The following MOK variants were observed in gnomAD, a reference collection of about 807,000 sequenced individuals.
MOK encodes the protein MAPK/MAK/MRK overlapping kinase.
In MOK, 59 loss-of-function variants were observed where a neutral mutation model predicts 54.2. That is an observed-to-expected ratio of 1.09 (90% CI 0.88 to 1.35). The LOEUF is 1.35. Among genes scored for constraint, MOK ranks in the 40% most tolerant of loss-of-function variants. The pLI is 0.00. For synonymous variants in MOK, 210 were observed against 202.7 expected (o/e 1.04, Z -0.31); for missense variants, 517 against 526.2 (o/e 0.98, Z 0.17).
intron 2 of MOK, chr14:102,278,610 G>C: frequency 2.2e-6 from 1 of 453,544 alleles, no homozygotes; most frequent in Non-Finnish European, 4.4e-6. Flanking sequence ...ACAGACCTGG[G>C]CTCAGAGTCA....
chr14:102,231,816 G>A lies in MOK; in HGVS notation c.872C>T (p.Thr291Ile), dbSNP rs1437702579. ...QHPYFQEQRK[T>I]EKRALGSHRK... is the part of the protein sequence containing the mutation. Reference sequence around the variant, plus strand: ...GTGGCTGCCCAGAGCCCGCTTCTCTGTTTTCCTACGGGGAAGGAGAAGAGA... The same window carrying A: ...GTGGCTGCCCAGAGCCCGCTTCTCTATTTTCCTACGGGGAAGGAGAAGAGA... The change falls in exon 10 of 12, where the codon ACA (threonine) becomes ATA (isoleucine). Residue 291 changes from threonine to isoleucine, a missense_variant. Thr to Ile is a moderately conservative substitution (Grantham distance 89). Transcript: ENST00000361847. This position sits in a 1 kb window ranked among gnomAD's most constrained non-coding sequence, Gnocchi z 4.4. 4 of 1,610,950 alleles carry A rather than the reference G, an allele frequency of 2.5e-6. No individual in the cohort carries two copies. The South Asian group carries it at 3.3e-5, about 13-fold the overall frequency.
chr14:102,226,060 G>A (rs530853219), downstream of MOK: 19 of 511,404 alleles, frequency 3.7e-5, no homozygotes, highest in Admixed American at 3.0e-4. This position sits in a 1 kb window ranked among gnomAD's most constrained non-coding sequence, Gnocchi z 4.8. Flanking sequence ...CGCAGGTGTG[G>A]GGACAGCAGA....
downstream of MOK, among the ~76,000 whole-genome samples, chr14:102,221,826 A>G (rs986758579): frequency 6.6e-6 from 1 of 152,202 alleles, no homozygotes; most frequent in Non-Finnish European, 1.5e-5. This position sits in a 1 kb window ranked among gnomAD's most constrained non-coding sequence, Gnocchi z 4.8. Context: ...AAGGCTTGTC[A>G]TTTGTAAACA....
At chr14:102,225,140 A>G, downstream of MOK, 1 of 232,054 alleles carries the variant, frequency 4.3e-6, no homozygotes. Flanking sequence ...AGCTCATTGT[A>G]GCCCCAACCT....
At chr14:102,291,950 T>G (rs959586824) in intron 1 of MOK, among the ~76,000 whole-genome samples, 1 of 145,374 alleles carries the variant, frequency 6.9e-6, no homozygotes, top group African/African-American at 2.7e-5. Flanking sequence ...AGAGCAAAAC[T>G]CTGTCTCAAA....
chr14:102,298,565 C>T (rs992263558), intron 1 of MOK, among the ~76,000 whole-genome samples: 13 of 152,220 alleles, frequency 8.5e-5, no homozygotes, highest in Admixed American at 2.0e-4. Context: ...GGATTGTAAA[C>T]GCACCAATCA....
chr14:102,276,218 C>T (rs2068848939), intron 2 of MOK, among the ~76,000 whole-genome samples: 1 of 152,186 alleles, frequency 6.6e-6, no homozygotes, highest in South Asian at 2.1e-4. Flanking sequence ...GGCGTGGTGG[C>T]TCACGCCTGT....
rs2065651948 is a variant in MOK, at chr14:102,240,762, C to A, written c.591-6973G>T. On this transcript the variant is annotated intron_variant, in intron 7 of 11. Coordinates refer to ENST00000361847, the MANE Select transcript of MOK (RefSeq NM_014226.3). The surrounding 1 kb of genome is among the most constrained non-coding windows in gnomAD (Gnocchi z 5.4). ...TGGTGGCAAGTCAACTGCGGGGATG[C>A]CTGCTTTGGCTGCTCACCCACATTG... 6.6e-6 allele frequency: 1 copy of A among 152,274 alleles called. No homozygotes were observed. Among genetic ancestry groups the A allele is most frequent in the Non-Finnish European group, 1.5e-5 (1 of 68,092 alleles). 9.4% of individuals were successfully genotyped at this position (152,274 alleles called of 1,614,324 possible). A position where few individuals can be genotyped will look rare whatever the true frequency, so the allele number is the denominator to read the frequency against.
chr14:102,278,650 G>A (rs1392163732), intron 2 of MOK: 3 of 454,598 alleles, frequency 6.6e-6, no homozygotes, highest in Non-Finnish European at 8.8e-6. Flanking sequence ...GGGTAGCAAC[G>A]GGCCAGGTGG....
rs1567129104 is a variant in MOK at position 102,230,835 on chromosome 14, G to A, written c.981+872C>T. On this transcript the variant is annotated intron_variant, in intron 10 of 11. Transcript: ENST00000361847. This position sits in a 1 kb window ranked among gnomAD's most constrained non-coding sequence, Gnocchi z 4.1. The stretch of plus-strand genomic sequence containing the variant: ...AGGGAAGGCCATGGGAAGCCACAGG[G>A]AAAAAGCACGTTTGGGGAAAGATCA... 6.6e-6 allele frequency: 1 copy of A among 152,460 alleles called. No individual in the cohort carries two copies. The highest frequency in any genetic ancestry group is 2.4e-5 in the African/African-American group (1 of 41,436). The allele number at this position is 152,460 out of a possible 1,614,324, so 9.4% of individuals were successfully genotyped here.
At chr14:102,251,618 G>A (rs769334179) in intron 6 of MOK, 138 bp downstream of exon 6, 3 of 740,890 alleles carry the variant, frequency 4.0e-6, no homozygotes, top group Non-Finnish European at 7.2e-6. Flanking sequence ...AACCTGAGAG[G>A]GAAAAAAATT....
chr14:102,228,607 G>C (rs1429259997), downstream of MOK, among the ~76,000 whole-genome samples: 1 of 150,472 alleles, frequency 6.6e-6, no homozygotes, highest in African/African-American at 2.4e-5. Flanking sequence ...GCTGAGGCGG[G>C]AGAATCCCTT....
chr14:102,222,960 T>C (rs1284129671), downstream of MOK: 1 of 1,577,480 alleles, frequency 6.3e-7, no homozygotes, highest in African/African-American at 1.3e-5. The surrounding 1 kb of genome is among the most constrained non-coding windows in gnomAD (Gnocchi z 4.4). Flanking sequence ...GAGCTGCGCC[T>C]GAGCCGTGCC....
At position 102,250,982 on chromosome 14, in the gene MOK, G is replaced by A. The variant is rs2066484834; in HGVS notation, c.420C>T (p.Val140=). 1 of 1,613,984 alleles carries A rather than the reference G, an allele frequency of 6.2e-7. No individual in the cohort carries two copies. Among genetic ancestry groups the A allele is most frequent in the South Asian group, 1.1e-5 (1 of 91,060 alleles). Residue 140 remains valine (V), a synonymous_variant, in exon 7 of 12, where the codon GTC becomes GTT. Coordinates refer to ENST00000361847, the MANE Select transcript of MOK (RefSeq NM_014226.3). ...KPENILIKQD[V]LKLGDFGSCR... is the part of the protein sequence containing the mutation. ...AGGAGCCAAAGTCCCCTAATTTCAG[G>A]ACATCCTGCTGGAAGGGGAAAGAAG...
chr14:102,218,986 C>G, the MOK span, among the ~76,000 whole-genome samples: 1 of 152,186 alleles, frequency 6.6e-6, no homozygotes, highest in Non-Finnish European at 1.5e-5. Context: ...AGCAGAAGGA[C>G]AGGGTAAAAC....
At chr14:102,218,443 C>G in the MOK span, among the ~76,000 whole-genome samples, 4 of 152,238 alleles carry the variant, frequency 2.6e-5, no homozygotes, top group South Asian at 2.1e-4. Context: ...TCTGACGTGG[C>G]CTGTGGCCCT....
chr14:102,233,697 T>C lies in MOK; in HGVS notation c.683A>G (p.Lys228Arg), dbSNP rs1236514000. The change falls in exon 8 of 12, where the codon AAG (lysine) becomes AGG (arginine). Residue 228 changes from lysine (K) to arginine (R), a missense_variant. Physicochemically the swap from Lys to Arg is conservative, Grantham distance 26. Transcript: ENST00000361847. ...AGAACACAATACTTACTGTTTGAAC[T>C]TGGTGAGGATCTTCTGAGCGGGTGT... ...IGTPAQKILT[K>R]FKQSRAMNFD... 1 of 1,612,978 alleles carries C rather than the reference T, an allele frequency of 6.2e-7. No individual in the cohort carries two copies. The highest frequency in any genetic ancestry group is 1.1e-5 in the South Asian group (1 of 91,056).
rs1276767108 is a variant in MOK, at chr14:102,249,617, G to C, written c.590+1195C>G. ...CCAGCTACTTGGGGGGCTGAGGCAG[G>C]AGAATCGCTAGAACCCGGGAGGCGG... On this transcript the variant is annotated intron_variant, in intron 7 of 11. Coordinates refer to ENST00000361847, the MANE Select transcript of MOK (RefSeq NM_014226.3). The surrounding 1 kb of genome is among the most constrained non-coding windows in gnomAD (Gnocchi z 5.3). Among the ~76,000 whole-genome samples, 1 of 152,222 alleles carries C rather than the reference G, an allele frequency of 6.6e-6. No homozygotes were observed. The highest frequency in any genetic ancestry group is 1.5e-5 in the Non-Finnish European group (1 of 68,042).
intron 1 of MOK, among the ~76,000 whole-genome samples, chr14:102,298,840 C>T (rs908248119): frequency 5.9e-5 from 9 of 152,214 alleles, no homozygotes; most frequent in African/African-American, 1.2e-4. Flanking sequence ...AGGTCTGTAG[C>T]TTCTCTCCTG....
Sources: allele counts gnomAD v4.1 joint callset (sites outside exome capture counted in the v4.1 genomes callset), GRCh38; gene constraint gnomAD v4.1.1; non-coding constraint Gnocchi (gnomAD v3.1); transcripts MANE v1.5; gene names NCBI Gene and HGNC (gene_info 2026-07-23, HGNC 2026-07-21).